The following LPA variants were observed in gnomAD, a reference collection of about 807,000 sequenced individuals.
The protein encoded by LPA is apolipoprotein(a).
Under a neutral mutation model 197.9 loss-of-function variants are expected in LPA, and 199 were observed. The ratio of observed to expected loss-of-function variants is 1.01; its 90% CI spans 0.90 to 1.13. The LOEUF (loss-of-function observed/expected upper bound fraction) is 1.13. Ranked by LOEUF, LPA falls within the 50% of genes most tolerant of loss-of-function variation. The pLI is 0.00. For synonymous variants in LPA, 715 were observed against 639.5 expected, an observed-to-expected ratio of 1.12 and a Z score of -1.78; for missense variants, 1,853 against 1,785.8, an observed-to-expected ratio of 1.04 and a Z score of -0.68.
At chr6:160,567,388 G>A (rs572161982) in intron 28 of LPA, among the ~76,000 whole-genome samples, 8 of 152,178 alleles carry the variant, frequency 5.3e-5, no homozygotes, top group South Asian at 2.1e-4. Context: ...CTGCACCTGA[G>A]TGACTACTGG....
At position 160,548,483 on chromosome 6, in the gene LPA, T is replaced by C. The variant is rs778439967; in HGVS notation, c.5150A>G (p.Glu1717Gly). ...GTAAGACACAGACTTCTTACCTTGT[T>C]CAGAAGGAGGCCCTAGGCTTGGAAC... ...IQVPSLGPPS[E>G]QDCMFGNGKG... The change falls in exon 31 of 39, where the codon GAA becomes GGA. Residue 1717 changes from glutamate (E) to glycine (G), a missense_variant. Around this residue, in one of 3 missense-constraint regions of LPA, gnomAD observed 1,737 missense variants for 1,504.4 expected, o/e 1.15. Transcript: ENST00000316300. 1 of 1,613,874 alleles carries C rather than the reference T, an allele frequency of 6.2e-7. No homozygotes were observed.
chr6:160,611,747 C>A (rs1461127977), intron 15 of LPA, 26 bp from the exon 16 acceptor site: 2 of 1,358,384 alleles, frequency 1.5e-6, no homozygotes, highest in East Asian at 4.7e-5. Context: ...AAGAAATAAA[C>A]TGAGTATCTC....
intron 26 of LPA, among the ~76,000 whole-genome samples, chr6:160,582,509 T>C (rs1212024200): frequency 1.1e-4 from 17 of 152,092 alleles, no homozygotes; most frequent in Admixed American, 1.1e-3. Context: ...TGTTATTCTA[T>C]TGTTTCTGAT....
chr6:160,653,398 C>T (rs1290123123), intron 1 of LPA, among the ~76,000 whole-genome samples: 3 of 151,992 alleles, frequency 2.0e-5, no homozygotes, highest in Non-Finnish European at 4.4e-5. Flanking sequence ...CAGAAGAACA[C>T]CAGCAACCAC....
intron 25 of LPA, among the ~76,000 whole-genome samples, chr6:160,585,994 G>A (rs901613432): frequency 3.3e-5 from 5 of 152,084 alleles, no homozygotes; most frequent in Non-Finnish European, 5.9e-5. Flanking sequence ...AGGACAATAC[G>A]GATCTAATGA....
At chr6:160,631,932 T>C (rs1471893127) in intron 8 of LPA, among the ~76,000 whole-genome samples, 3 of 151,120 alleles carry the variant, frequency 2.0e-5, no homozygotes, top group African/African-American at 7.3e-5. Flanking sequence ...GGGGTGCGCG[T>C]GTCTGTGTGT....
At chr6:160,576,690 G>GTGTATATATATATATATATA (rs869225354) in intron 28 of LPA, among the ~76,000 whole-genome samples, 1 of 76,680 alleles carries the variant, frequency 1.3e-5, no homozygotes, top group African/African-American at 5.1e-5. Flanking sequence ...GTGTGTGTGT[G>GTGTATATATATATATATATA]TATATATATA....
At chr6:160,653,651 G>A (rs776619930) in intron 1 of LPA, among the ~76,000 whole-genome samples, 2 of 151,154 alleles carry the variant, frequency 1.3e-5, no homozygotes, top group Admixed American at 1.3e-4. Context: ...AGATAAAAGA[G>A]GACAGACTAA....
intron 28 of LPA, among the ~76,000 whole-genome samples, chr6:160,563,765 T>C (rs1778402148): frequency 6.6e-6 from 1 of 152,250 alleles, no homozygotes; most frequent in Non-Finnish European, 1.5e-5. Context: ...GGTGCATATA[T>C]AAGTAGGACA....
In LPA at chr6:160,548,498, A is replaced by G; in HGVS notation, c.5135T>C (p.Leu1712Pro). 6.2e-7 allele frequency: 1 copy of G among 1,614,076 alleles called. No homozygotes were observed. The highest frequency in any genetic ancestry group is 2.2e-5 in the East Asian group (1 of 44,888). The change falls in exon 31 of 39, where the codon CTA (leucine) becomes CCA (proline). Residue 1712 changes from leucine (L) to proline (P), a missense_variant. Leu to Pro is a moderately conservative substitution (Grantham distance 98). Around this residue, in one of 3 missense-constraint regions of LPA, gnomAD observed 1,737 missense variants for 1,504.4 expected, o/e 1.15. Transcript: ENST00000316300. ...CTTACCTTGTTCAGAAGGAGGCCCT[A>G]GGCTTGGAACCTGGATGACAGTCGG... ...APPTVIQVPS[L>P]GPPSEQDCMF...
At chr6:160,542,204 C>T (rs1562315288) in intron 34 of LPA, among the ~76,000 whole-genome samples, 1 of 152,118 alleles carries the variant, frequency 6.6e-6, no homozygotes, top group Non-Finnish European at 1.5e-5. Flanking sequence ...ATAATTTGTT[C>T]ATGTGTTTGT....
At chr6:160,561,948 T>C (rs1778369873) in intron 28 of LPA, among the ~76,000 whole-genome samples, 1 of 152,248 alleles carries the variant, frequency 6.6e-6, no homozygotes, top group South Asian at 2.1e-4. Context: ...AAGTTGCTTA[T>C]CAGCTTAAGG....
In LPA at chr6:160,557,571, A is replaced by G. The variant is rs780713235; in HGVS notation, c.4632T>C (p.Ala1544=). 1 of 1,614,090 alleles carries G rather than the reference A, an allele frequency of 6.2e-7. No homozygotes were observed. The highest frequency in any genetic ancestry group is 8.5e-7 in the Non-Finnish European group (1 of 1,179,986). Residue 1544 remains alanine, a splice_region_variant and synonymous_variant, in exon 29 of 39, where the codon GCT becomes GCC. Transcript: ENST00000316300. ...TCCTGCAGTAGTTCTCGGTCAGGCC[A>G]CTGCAAATTCCAAAACAACACAGGT... ...HQRTPENYPN[A]GLTENYCRNP...
chr6:160,550,057 C>T (rs1368999057), intron 30 of LPA, among the ~76,000 whole-genome samples: 1 of 152,116 alleles, frequency 6.6e-6, no homozygotes, highest in Non-Finnish European at 1.5e-5. Flanking sequence ...CCCGTCTCTA[C>T]TAAAAATACA....
chr6:160,605,306 T>C, intron 17 of LPA, 101 bp from the exon 18 acceptor site: 1 of 1,349,650 alleles, frequency 7.4e-7, no homozygotes, highest in Non-Finnish European at 1.1e-6. Flanking sequence ...CTGAGAATTA[T>C]GACCTCAGGA....
At chr6:160,587,054 T>C (rs903722298) in intron 24 of LPA, among the ~76,000 whole-genome samples, 2 of 152,354 alleles carry the variant, frequency 1.3e-5, no homozygotes, top group South Asian at 4.1e-4. Flanking sequence ...TATTCAGTGT[T>C]TGATTTGCTG....
At chr6:160,650,028 G>A (rs1002534659) in intron 2 of LPA, among the ~76,000 whole-genome samples, 2 of 152,150 alleles carry the variant, frequency 1.3e-5, no homozygotes, top group African/African-American at 2.4e-5. Flanking sequence ...GAATTTCAAG[G>A]GGTAAAGATC....
chr6:160,603,658 A>G (rs911171053), intron 18 of LPA, among the ~76,000 whole-genome samples: 1 of 152,130 alleles, frequency 6.6e-6, no homozygotes, highest in Non-Finnish European at 1.5e-5. Flanking sequence ...AAGCTTCTCT[A>G]TGTGTAGTCA....
intron 16 of LPA, among the ~76,000 whole-genome samples, chr6:160,610,938 G>T (rs1243581248): frequency 6.6e-6 from 1 of 152,110 alleles, no homozygotes; most frequent in Non-Finnish European, 1.5e-5. Flanking sequence ...TGGCCATGGG[G>T]TGGTCAGACC....
Sources: gnomAD v4.1 joint callset for allele counts (sites outside exome capture counted in the v4.1 genomes callset) on GRCh38, gnomAD v4.1.1 for gene constraint, gnomAD v4.1.1 regional missense constraint, MANE v1.5 for transcripts, NCBI Gene and HGNC (gene_info 2026-07-23, HGNC 2026-07-21) for gene names.